ITPRID1: variants seen among roughly 807,000 people sequenced by gnomAD.
ITPRID1 encodes the protein protein ITPRID1.
In ITPRID1, 96 loss-of-function variants were observed where a neutral mutation model predicts 95.4. The observed-to-expected ratio is 1.01, with a 90% CI of 0.85 to 1.19. The LOEUF (loss-of-function observed/expected upper bound fraction) is 1.19. Among genes scored for constraint, ITPRID1 ranks in the 50% most tolerant of loss-of-function variants. ITPRID1 has a pLI of 0.00. For synonymous variants in ITPRID1, 510 were observed against 453.6 expected (o/e 1.12, Z -1.58); for missense variants, 1,339 against 1,252.9 (o/e 1.07, Z -1.04).
intron 10 of ITPRID1, among the ~76,000 whole-genome samples, chr7:31,607,531 G>T (rs1245794771): frequency 6.6e-6 from 1 of 152,040 alleles, no homozygotes; most frequent in Admixed American, 6.6e-5. Flanking sequence ...CTGTTGAAAA[G>T]TCTAAAGCTA....
At chr7:31,537,159 T>C (rs1377941479) in intron 1 of ITPRID1, among the ~76,000 whole-genome samples, 1 of 150,746 alleles carries the variant, frequency 6.6e-6, no homozygotes, top group Non-Finnish European at 1.5e-5. Flanking sequence ...ACACTGCCTG[T>C]TGAAGAGGAA....
chr7:31,557,045 T>C (rs1860542), intron 5 of ITPRID1, among the ~76,000 whole-genome samples: 123,122 of 151,546 alleles, frequency 0.81, 51,418 homozygotes, highest in Non-Finnish European at 0.92. Flanking sequence ...TCTACATGGC[T>C]TCTTCTCCTT....
At chr7:31,630,208 G>GAAAAAA (rs1244874946) in intron 10 of ITPRID1, among the ~76,000 whole-genome samples, 1 of 29,852 alleles carries the variant, frequency 3.3e-5, no homozygotes, top group African/African-American at 1.3e-4. Context: ...ATTACCAGAG[G>GAAAAAA]AAAAGAGGCA....
rs188318174 is a variant in ITPRID1, at chr7:31,551,140, G to A, written c.-24+1641G>A. ...ACCTTTTGATCCTTTATTGAATCTGGTATTTCATGAATGTTGTTGAGCATG... is the reference window on the plus strand; with the variant it reads ...ACCTTTTGATCCTTTATTGAATCTGATATTTCATGAATGTTGTTGAGCATG... On this transcript the variant is annotated intron_variant, in intron 2 of 14. Transcript: ENST00000615280. Among the ~76,000 whole-genome samples the A allele has an allele frequency of 2.6e-3, 367 of 142,972 alleles. 20 individuals carry two copies. Among genetic ancestry groups the A allele is most frequent in the African/African-American group, 8.4e-3 (343 of 40,778 alleles). 93.8% of individuals were successfully genotyped at this position (142,972 alleles called of 152,430 possible).
At position 31,643,766 on chromosome 7, in the gene ITPRID1, A is replaced by G. The variant is rs748607221; in HGVS notation, c.2396A>G (p.His799Arg). ...AGTATCTGCCCAATGGGCACCTGCCATGCTATACCTGCCCACTGCTGCATC... is the reference window on the plus strand; with the variant it reads ...AGTATCTGCCCAATGGGCACCTGCCGTGCTATACCTGCCCACTGCTGCATC... ...FSSICPMGTC[H>R]AIPAHCCICC... Residue 799 changes from histidine to arginine, a missense_variant, in exon 12 of 15, where the codon CAT becomes CGT. Physicochemically the swap from His to Arg is conservative, Grantham distance 29. Transcript: ENST00000615280. 7 of 1,614,018 alleles carry G rather than the reference A, an allele frequency of 4.3e-6. No individual in the cohort carries two copies. The highest frequency in any genetic ancestry group is 1.3e-5 in the African/African-American group (1 of 75,068).
chr7:31,557,957 A>G (rs1784504793), intron 5 of ITPRID1, among the ~76,000 whole-genome samples: 1 of 152,230 alleles, frequency 6.6e-6, no homozygotes, highest in South Asian at 2.1e-4. Context: ...CTTAATCACC[A>G]TAGTGACAGC....
chr7:31,650,450 G>T (rs1044538730), intron 12 of ITPRID1, among the ~76,000 whole-genome samples: 21 of 152,158 alleles, frequency 1.4e-4, no homozygotes, highest in African/African-American at 4.8e-4. Flanking sequence ...CAAGGCAAAG[G>T]CACAGCCTGA....
chr7:31,610,040 T>G (rs1786796776), intron 10 of ITPRID1, among the ~76,000 whole-genome samples: 2 of 151,748 alleles, frequency 1.3e-5, no homozygotes, highest in Admixed American at 6.6e-5. Flanking sequence ...GACCCATTAC[T>G]TAGGAGTGTT....
At chr7:31,627,157 CTG>C (rs1216755249) in intron 10 of ITPRID1, among the ~76,000 whole-genome samples, 1 of 152,186 alleles carries the variant, frequency 6.6e-6, no homozygotes, top group Non-Finnish European at 1.5e-5. Context: ...AATGGCTGGG[CTG>C]TGTCTTTCAG....
chr7:31,578,221 A>G lies in ITPRID1; in HGVS notation c.957A>G (p.Gln319=), dbSNP rs1455624469. The G allele has an allele frequency of 1.2e-6, 2 of 1,613,664 alleles. No individual in the cohort carries two copies. Among genetic ancestry groups the G allele is most frequent in the African/African-American group, 2.7e-5 (2 of 74,914 alleles). Reference sequence around the variant, plus strand: ...TGTCAGTAGAACATCAGTCTCTCCAAGCCTGTGATGATTTGCTACCTTATC... The same window carrying G: ...TGTCAGTAGAACATCAGTCTCTCCAGGCCTGTGATGATTTGCTACCTTATC... ...LSLSVEHQSL[Q]ACDDLLPYPP... is the part of the protein sequence containing the mutation. The change falls in exon 9 of 15, where the codon CAA becomes CAG. Residue 319 remains glutamine (Q), a synonymous_variant. Transcript: ENST00000615280.
At chr7:31,546,440 T>G (rs940759475) in intron 1 of ITPRID1, among the ~76,000 whole-genome samples, 7 of 152,188 alleles carry the variant, frequency 4.6e-5, no homozygotes, top group Admixed American at 1.3e-4. Context: ...ACTGTGTGTC[T>G]ATGTCTGTGC....
In ITPRID1 at chr7:31,521,147, A is replaced by T. The variant is rs564228429; in HGVS notation, c.-98+7027A>T. Among the ~76,000 whole-genome samples, 3 of 150,796 alleles carry T rather than the reference A, an allele frequency of 2.0e-5. No homozygotes were observed. In the East Asian group the frequency reaches 5.8e-4, roughly 29 times the overall value. On this transcript the variant is annotated intron_variant, in intron 1 of 14. Transcript: ENST00000615280. ...TAGACTTACATTGCTCTTTTTCTCT[A>T]CTTTCCTAAAGTAGAAACTTAGACT...
At chr7:31,563,191 G>A (rs542388267) in intron 5 of ITPRID1, among the ~76,000 whole-genome samples, 1 of 152,294 alleles carries the variant, frequency 6.6e-6, no homozygotes, top group Admixed American at 6.5e-5. Context: ...AAACAAAGAG[G>A]CAAAGCAAGA....
intron 5 of ITPRID1, among the ~76,000 whole-genome samples, chr7:31,561,214 T>G (rs969660110): frequency 6.6e-6 from 1 of 151,812 alleles, no homozygotes; most frequent in East Asian, 1.9e-4. Flanking sequence ...CTTTGAGGAG[T>G]TGAGAGGTGA....
intron 3 of ITPRID1, 116 bp downstream of exon 3, chr7:31,553,303 CCAGTGTTCCTGG>C (rs1784346353): frequency 1.1e-6 from 1 of 938,512 alleles, no homozygotes; most frequent in East Asian, 2.6e-5. Flanking sequence ...TTTGAATATA[CCAGTGTTCCTGG>C]CATGATGCCG....
intron 12 of ITPRID1, among the ~76,000 whole-genome samples, chr7:31,646,763 G>A (rs531387182): frequency 3.3e-5 from 5 of 152,240 alleles, no homozygotes; most frequent in South Asian, 4.1e-4. Context: ...CTCAGACGTG[G>A]GTAGATTTTA....
intron 1 of ITPRID1, among the ~76,000 whole-genome samples, chr7:31,515,284 T>TAA (rs58554033): frequency 2.6e-4 from 38 of 146,358 alleles, no homozygotes; most frequent in South Asian, 1.5e-3. Context: ...CAGCAGTGGT[T>TAA]AAAAAAAAAA....
chr7:31,583,027 T>A, intron 9 of ITPRID1, 107 bp from the exon 10 acceptor site: 1 of 700,864 alleles, frequency 1.4e-6, no homozygotes, highest in South Asian at 1.9e-5. Context: ...GTTCAGGAAC[T>A]CATGTTTATC....
intron 5 of ITPRID1, among the ~76,000 whole-genome samples, chr7:31,555,682 A>G (rs544169739): frequency 6.6e-6 from 1 of 152,308 alleles, no homozygotes; most frequent in South Asian, 2.1e-4. Flanking sequence ...GTGTGAAAAA[A>G]TGACATAAAT....
Sources: allele counts gnomAD v4.1 joint callset (sites outside exome capture counted in the v4.1 genomes callset), GRCh38; gene constraint gnomAD v4.1.1; transcripts MANE v1.5; gene names NCBI Gene and HGNC (gene_info 2026-07-23, HGNC 2026-07-21).